ATRN: variants seen among roughly 807,000 people sequenced by gnomAD.
The protein encoded by ATRN is attractin-2.
Under a neutral mutation model 178.7 loss-of-function variants are expected in ATRN, and 54 were observed. The observed-to-expected ratio is 0.30, with a 90% CI of 0.24 to 0.38. The LOEUF is 0.38. ATRN is among the 10% of genes least tolerant of loss of function. ATRN has a pLI of 1.00. For synonymous variants in ATRN, 636 were observed against 663.0 expected (o/e 0.96, Z 0.63); for missense variants, 1,443 against 1,815.1 (o/e 0.79, Z 3.73).
chr20:3,639,922 A>C (rs974863474), intron 27 of ATRN, among the ~76,000 whole-genome samples: 4 of 152,192 alleles, frequency 2.6e-5, no homozygotes, highest in Admixed American at 2.6e-4. Flanking sequence ...CTCTCTATAG[A>C]AAAACATCTT....
intron 22 of ATRN, among the ~76,000 whole-genome samples, 183 bp downstream of exon 22, chr20:3,598,183 G>A (rs1257610448): frequency 6.6e-6 from 1 of 152,198 alleles, no homozygotes; most frequent in African/African-American, 2.4e-5. Flanking sequence ...AAAGGCAAAA[G>A]TGATGTTAAT....
Position 3,596,361 on chromosome 20 carries a change from C to CT in ATRN, c.3417-10dup, listed in dbSNP as rs571715913. 95 of 1,609,804 alleles carry CT rather than the reference C, an allele frequency of 5.9e-5. 2 individuals carry two copies. In the South Asian group the frequency reaches 1.0e-3, roughly 17 times the overall value. ...GTTTTAAATAGCAGTATAAAATAGT[C>CT]TTTTTTCCCCCCCAGATGTGAGGTA... On this transcript the variant is annotated splice_polypyrimidine_tract_variant and intron_variant, in intron 20 of 28. Coordinates refer to ENST00000262919, the MANE Select transcript of ATRN (RefSeq NM_139321.3).
intron 1 of ATRN, among the ~76,000 whole-genome samples, chr20:3,509,029 A>T (rs1039988905): frequency 6.6e-6 from 1 of 152,236 alleles, no homozygotes; most frequent in African/African-American, 2.4e-5. Flanking sequence ...AAAGAAAAAA[A>T]TGGAATAATA....
At chr20:3,604,577 G>T (rs1383174829) in intron 24 of ATRN, among the ~76,000 whole-genome samples, 2 of 152,224 alleles carry the variant, frequency 1.3e-5, no homozygotes, top group African/African-American at 4.8e-5. Flanking sequence ...GCTACACAAA[G>T]AACTTCAATT....
chr20:3,597,071 T>TATATATATATATATAAAA (rs11087589), intron 21 of ATRN, among the ~76,000 whole-genome samples: 16 of 134,032 alleles, frequency 1.2e-4, no homozygotes, highest in African/African-American at 4.4e-4. Flanking sequence ...TATATATATA[T>TATATATATATATATAAAA]ATAAAACTTC....
chr20:3,595,164 C>A lies in ATRN; in HGVS notation c.3416+592C>A, dbSNP rs774128969. On this transcript the variant is annotated intron_variant, in intron 20 of 28. Transcript: ENST00000262919. ...TGAGCAAGGTGCTCTTGAGGCAAAT[C>A]ACTGTTCCCCCCATCTGTCAGTAGT... is the stretch of plus-strand genomic sequence containing the variant. Among the ~76,000 whole-genome samples, 6 of 152,216 alleles carry A rather than the reference C, an allele frequency of 3.9e-5. No individual in the cohort carries two copies. In the East Asian group the frequency reaches 1.2e-3, roughly 29 times the overall value.
At chr20:3,523,173 G>C (rs946033677) in intron 1 of ATRN, among the ~76,000 whole-genome samples, 1 of 151,786 alleles carries the variant, frequency 6.6e-6, no homozygotes, top group African/African-American at 2.4e-5. Context: ...CTTGAAAAAA[G>C]GTTAGGGCAA....
intron 1 of ATRN, among the ~76,000 whole-genome samples, chr20:3,501,608 G>GT (rs902926424): frequency 2.6e-5 from 4 of 152,178 alleles, no homozygotes; most frequent in African/African-American, 7.2e-5. Context: ...GGGAAATATT[G>GT]TTTTAAAAAT....
intron 23 of ATRN, among the ~76,000 whole-genome samples, chr20:3,603,500 T>TC (rs1271966460): frequency 6.6e-6 from 1 of 151,976 alleles, no homozygotes; most frequent in Non-Finnish European, 1.5e-5. Context: ...TTTCTTTTTT[T>TC]TTTTTTGAGA....
intron 26 of ATRN, among the ~76,000 whole-genome samples, chr20:3,637,305 T>C (rs1016760411): frequency 2.0e-5 from 3 of 152,238 alleles, no homozygotes; most frequent in African/African-American, 7.2e-5. Context: ...TGACGCTGTT[T>C]AGTCCTTGCT....
chr20:3,485,610 G>GGTTTTTTTTTTTTTTTTTTTTTTT (rs2084679764), intron 1 of ATRN, among the ~76,000 whole-genome samples: 1 of 67,902 alleles, frequency 1.5e-5, no homozygotes, highest in Non-Finnish European at 2.8e-5. Flanking sequence ...TTTTTTTGAG[G>GGTTTTTTTTTTTTTTTTTTTTTTT]TTTTTTTTTT....
At chr20:3,581,629 A>G (rs1417533281) in intron 15 of ATRN, among the ~76,000 whole-genome samples, 1 of 152,106 alleles carries the variant, frequency 6.6e-6, no homozygotes, top group Non-Finnish European at 1.5e-5. Flanking sequence ...AGCATCCATC[A>G]TGTTGGCACT....
chr20:3,578,258 A>G (rs2086237809), intron 14 of ATRN, among the ~76,000 whole-genome samples: 1 of 152,182 alleles, frequency 6.6e-6, no homozygotes, highest in African/African-American at 2.4e-5. Context: ...CTCTTCACTT[A>G]GGATTTTAGT....
intron 1 of ATRN, chr20:3,489,636 G>A: frequency 6.8e-7 from 1 of 1,464,962 alleles, no homozygotes; most frequent in Non-Finnish European, 9.6e-7. Flanking sequence ...TCATTCTGAA[G>A]CCTTCTGCAA....
rs1193719935 is a variant in ATRN, at chr20:3,575,935, G to C, written c.2201G>C (p.Cys734Ser). The change falls in exon 13 of 29, where the codon TGC (cysteine) becomes TCC (serine). Residue 734 changes from cysteine (C) to serine (S), a missense_variant. By Grantham distance (112) the Cys-to-Ser change is moderately radical (BLOSUM62 -1). Around this residue, in one of 4 missense-constraint regions of ATRN, gnomAD observed 862 missense variants for 972.1 expected, o/e 0.89. Coordinates refer to ENST00000262919, the MANE Select transcript of ATRN (RefSeq NM_139321.3). ...NDHCVPRNHSCSEGQISIFRY... is the reference protein window; with the variant it reads ...NDHCVPRNHSSSEGQISIFRY... ...CATTGTGTCCCCAGGAACCACAGCT[G>C]CTCAGAAGGCCAGGTCAGAGGCTGT... 3 of 1,613,654 alleles carry C rather than the reference G, an allele frequency of 1.9e-6. No homozygotes were observed. The Admixed American group carries it at 5.0e-5, about 27-fold the overall frequency.
intron 1 of ATRN, among the ~76,000 whole-genome samples, chr20:3,509,053 C>CA (rs1184359003): frequency 6.6e-6 from 1 of 151,178 alleles, no homozygotes; most frequent in Non-Finnish European, 1.5e-5. Flanking sequence ...ATATTTAATC[C>CA]AAAAAAAGGT....
chr20:3,608,535 T>C (rs2086711020), intron 24 of ATRN, among the ~76,000 whole-genome samples: 1 of 152,220 alleles, frequency 6.6e-6, no homozygotes, highest in African/African-American at 2.4e-5. Flanking sequence ...TGGATTTATT[T>C]CTGAGTTCTT....
At chr20:3,579,342 C>G (rs2039891700) in intron 15 of ATRN, among the ~76,000 whole-genome samples, 1 of 152,010 alleles carries the variant, frequency 6.6e-6, no homozygotes, top group Non-Finnish European at 1.5e-5. Context: ...AAAAATTAGC[C>G]AGGCATGGTG....
At chr20:3,641,380 C>G (rs1036400318) in intron 27 of ATRN, among the ~76,000 whole-genome samples, 15 of 151,872 alleles carry the variant, frequency 9.9e-5, no homozygotes, top group African/African-American at 3.6e-4. Context: ...CACTTGAGGT[C>G]AGGAGTTCAA....
Sources: gnomAD v4.1 joint callset for allele counts (sites outside exome capture counted in the v4.1 genomes callset) on GRCh38, gnomAD v4.1.1 for gene constraint, gnomAD v4.1.1 regional missense constraint, MANE v1.5 for transcripts, NCBI Gene and HGNC (gene_info 2026-07-23, HGNC 2026-07-21) for gene names.